The following MAD1L1 variants were observed in gnomAD, a reference collection of about 807,000 sequenced individuals.
MAD1L1 encodes mitotic arrest deficient 1 like 1.
MAD1L1 carries 95 observed loss-of-function variants against 96.9 expected under a neutral mutation model. The observed-to-expected ratio is 0.98, with a 90% CI of 0.83 to 1.16. The LOEUF (loss-of-function observed/expected upper bound fraction) is 1.16. Among genes scored for constraint, MAD1L1 ranks in the 50% most tolerant of loss-of-function variants. The pLI is 0.00. For missense variants in MAD1L1, 1,007 were observed against 954.4 expected (o/e 1.06, Z -0.73); for synonymous variants, 473 against 396.6 (o/e 1.19, Z -2.29).
Position 2,088,847 on chromosome 7 carries a change from G to A in MAD1L1, c.1074-19509C>T, listed in dbSNP as rs941683812. The stretch of plus-strand genomic sequence containing the variant: ...AGAGGAGTTGTGAAGGTTCACACAG[G>A]GCTGGTGCTCACCCTCTGCCACCGA... On this transcript the variant is annotated intron_variant, in intron 11 of 18. Transcript: ENST00000265854. The surrounding 1 kb of genome is among the most constrained non-coding windows in gnomAD (Gnocchi z 4.4). The A allele has an allele frequency of 2.6e-5, 4 of 152,272 alleles. No homozygotes were observed. Among genetic ancestry groups the A allele is most frequent in the African/African-American group, 9.7e-5 (4 of 41,426 alleles). 9.4% of individuals were successfully genotyped at this position (152,272 alleles called of 1,614,324 possible). A position where few individuals can be genotyped will look rare whatever the true frequency, so the allele number is the denominator to read the frequency against.
At chr7:2,123,020 G>A (rs1307302381) in intron 11 of MAD1L1, among the ~76,000 whole-genome samples, 3 of 152,168 alleles carry the variant, frequency 2.0e-5, no homozygotes, top group Admixed American at 1.3e-4. Context: ...AAGCAGCAGG[G>A]GAGCCGGGCG....
chr7:2,028,835 A>G (rs4721321), intron 12 of MAD1L1, among the ~76,000 whole-genome samples: 54,054 of 151,894 alleles, frequency 0.36, 10,748 homozygotes, highest in African/African-American at 0.53. Flanking sequence ...TGCAGTAAGG[A>G]GTGCTGAGTC....
intron 10 of MAD1L1, among the ~76,000 whole-genome samples, chr7:2,181,376 T>C (rs1791191875): frequency 6.6e-6 from 1 of 152,266 alleles, no homozygotes. Flanking sequence ...ATGCAGCCAC[T>C]GACGTTTCCA....
At chr7:2,213,030 G>A (rs1414660801) in intron 10 of MAD1L1, among the ~76,000 whole-genome samples, 182 bp downstream of exon 10, 1 of 152,234 alleles carries the variant, frequency 6.6e-6, no homozygotes, top group East Asian at 1.9e-4. Flanking sequence ...GAGTCACTGG[G>A]TTCCACTGCC....
chr7:1,970,142 G>A (rs117601406), intron 15 of MAD1L1, among the ~76,000 whole-genome samples: 5 of 152,270 alleles, frequency 3.3e-5, no homozygotes, highest in Admixed American at 1.3e-4. Context: ...AAAAAGCCGA[G>A]CCGCAGAGTT....
chr7:2,104,504 G>A (rs897479619), intron 11 of MAD1L1, among the ~76,000 whole-genome samples: 6 of 152,192 alleles, frequency 3.9e-5, no homozygotes, highest in South Asian at 2.1e-4. Context: ...CTCGGAACAC[G>A]CGCTCTGCCA....
intron 11 of MAD1L1, among the ~76,000 whole-genome samples, chr7:2,069,699 C>A (rs575033354): frequency 1.3e-5 from 2 of 152,166 alleles, no homozygotes; most frequent in Non-Finnish European, 2.9e-5. Context: ...CAGCGTGGTG[C>A]GGGGAAGCAA....
At chr7:1,882,139 G>A (rs1292438786) in intron 18 of MAD1L1, among the ~76,000 whole-genome samples, 1 of 152,178 alleles carries the variant, frequency 6.6e-6, no homozygotes, top group African/African-American at 2.4e-5. Context: ...GATGAGGAGG[G>A]GCAGCCTTGG....
intron 9 of MAD1L1, among the ~76,000 whole-genome samples, chr7:2,214,578 G>C (rs1439120808): frequency 6.6e-6 from 1 of 152,194 alleles, no homozygotes; most frequent in Non-Finnish European, 1.5e-5. Context: ...AACCACCGGA[G>C]AAAGGCGGCA....
intron 11 of MAD1L1, among the ~76,000 whole-genome samples, chr7:2,099,760 C>G (rs1190162954): frequency 6.6e-6 from 1 of 152,240 alleles, no homozygotes; most frequent in Non-Finnish European, 1.5e-5. Context: ...AGTCCTCAGG[C>G]GTGAGCTCTC....
chr7:1,885,497 C>G (rs908143649), intron 18 of MAD1L1, among the ~76,000 whole-genome samples: 3 of 152,136 alleles, frequency 2.0e-5, no homozygotes, highest in African/African-American at 7.2e-5. Context: ...GTGTGTGGGC[C>G]ACAGGGGTGC....
chr7:1,874,552 A>C (rs543910080), intron 18 of MAD1L1: 2 of 454,958 alleles, frequency 4.4e-6, no homozygotes, highest in Non-Finnish European at 8.8e-6. Flanking sequence ...TTCCTTAAAA[A>C]AAAAAATAAA....
intron 17 of MAD1L1, among the ~76,000 whole-genome samples, chr7:1,913,600 C>T (rs928760980): frequency 3.9e-5 from 6 of 152,094 alleles, no homozygotes; most frequent in African/African-American, 1.4e-4. Context: ...GGGGCTCTGG[C>T]TCTAGAAGTG....
At chr7:2,187,467 CA>C (rs1372795656) in intron 10 of MAD1L1, among the ~76,000 whole-genome samples, 3 of 152,106 alleles carry the variant, frequency 2.0e-5, no homozygotes, top group Non-Finnish European at 4.4e-5. Flanking sequence ...CAAAACAAAC[CA>C]GGGGCACCAC....
intron 12 of MAD1L1, among the ~76,000 whole-genome samples, chr7:2,043,054 C>G (rs1042837395): frequency 6.6e-5 from 10 of 152,222 alleles, no homozygotes; most frequent in Admixed American, 5.9e-4. Flanking sequence ...TCAGACCCTA[C>G]TCTCCACAAT....
At chr7:2,047,679 C>T (rs189513645) in intron 12 of MAD1L1, among the ~76,000 whole-genome samples, 10 of 152,222 alleles carry the variant, frequency 6.6e-5, no homozygotes, top group African/African-American at 2.2e-4. Flanking sequence ...CACACATGTG[C>T]GCACACAGCA....
intron 18 of MAD1L1, among the ~76,000 whole-genome samples, chr7:1,880,060 G>A (rs887424255): frequency 1.3e-5 from 2 of 152,126 alleles, no homozygotes; most frequent in Non-Finnish European, 2.9e-5. Context: ...AAGTACCAAG[G>A]TAATTCAATC....
At chr7:1,914,451 G>A (rs1788243387) in intron 17 of MAD1L1, among the ~76,000 whole-genome samples, 1 of 152,228 alleles carries the variant, frequency 6.6e-6, no homozygotes. Flanking sequence ...TCTGAGGGTG[G>A]AGGAAAGGCC....
At chr7:1,944,977 G>A (rs1779161797) in intron 16 of MAD1L1, among the ~76,000 whole-genome samples, 1 of 152,230 alleles carries the variant, frequency 6.6e-6, no homozygotes. Flanking sequence ...GGCCACCAAG[G>A]GAGCCGGAAG....
Sources: allele counts gnomAD v4.1 joint callset (sites outside exome capture counted in the v4.1 genomes callset), GRCh38; gene constraint gnomAD v4.1.1; non-coding constraint Gnocchi (gnomAD v3.1); transcripts MANE v1.5; gene names NCBI Gene and HGNC (gene_info 2026-07-23, HGNC 2026-07-21).